SSR1: variants seen among roughly 807,000 people sequenced by gnomAD.
SSR1 encodes the protein signal sequence receptor subunit 1.
SSR1 carries 13 observed loss-of-function variants against 36.1 expected under a neutral mutation model. That is an observed-to-expected ratio of 0.36 (90% CI 0.23 to 0.57). The LOEUF is 0.57. Ranked by LOEUF, SSR1 falls within the 20% of genes least tolerant of loss-of-function variation. The pLI, the probability that SSR1 is intolerant of heterozygous loss-of-function variation, is 0.81. For synonymous variants in SSR1, 113 were observed against 118.9 expected (o/e 0.95, Z 0.32); for missense variants, 291 against 338.5 (o/e 0.86, Z 1.10).
intron 7 of SSR1, among the ~76,000 whole-genome samples, chr6:7,291,533 A>G (rs9505123): frequency 0.37 from 56,255 of 152,076 alleles, 10,488 homozygotes; most frequent in South Asian, 0.43. Flanking sequence ...GGTTACTAAT[A>G]GATGGTTTCA....
At chr6:7,299,614 C>T (rs1168109087) in intron 4 of SSR1, among the ~76,000 whole-genome samples, 1 of 151,274 alleles carries the variant, frequency 6.6e-6, no homozygotes, top group East Asian at 1.9e-4. Flanking sequence ...AGGAGAATCA[C>T]TTGTGCCCAG....
rs1455021906 is a variant in SSR1 at position 7,284,936 on chromosome 6, T to C, written c.*4928A>G. 2.0e-5 allele frequency: 3 copies of C among 152,194 alleles called. No individual in the cohort carries two copies. The highest frequency in any genetic ancestry group is 7.2e-5 in the African/African-American group (3 of 41,466). 9.4% of individuals were successfully genotyped at this position (152,194 alleles called of 1,614,324 possible). On this transcript the variant is annotated 3_prime_UTR_variant, in exon 8 of 8. Transcript: ENST00000244763. ...CTGTCAAGACCCAGAGGTCTCCTAATTCCCACGCTAGCACACCATACCACC... is the reference window on the plus strand; with the variant it reads ...CTGTCAAGACCCAGAGGTCTCCTAACTCCCACGCTAGCACACCATACCACC...
chr6:7,294,690 C>CAAAT (rs60987991), intron 7 of SSR1, among the ~76,000 whole-genome samples: 1,994 of 150,478 alleles, frequency 0.013, 28 homozygotes, highest in African/African-American at 0.03. Context: ...GATTCCATCT[C>CAAAT]AAATAAATAA....
At chr6:7,295,073 A>C (rs1207720848) in intron 7 of SSR1, 1 of 1,511,454 alleles carries the variant, frequency 6.6e-7, no homozygotes, top group Admixed American at 2.3e-5. Flanking sequence ...CCATTAAAAA[A>C]ATTAAATGCC....
intron 3 of SSR1, 87 bp from the exon 4 acceptor site, chr6:7,301,659 C>A (rs1757936979): frequency 2.2e-5 from 30 of 1,377,360 alleles, no homozygotes; most frequent in Non-Finnish European, 2.9e-5. Flanking sequence ...GATTCTGGCA[C>A]CCTTTCCTGT....
chr6:7,311,660 G>C (rs1328484449), intron 1 of SSR1, among the ~76,000 whole-genome samples: 1 of 152,020 alleles, frequency 6.6e-6, no homozygotes, highest in Admixed American at 6.6e-5. Context: ...GAATATAAAG[G>C]CCTTTCATAA....
chr6:7,311,249 T>G (rs1175349620), intron 1 of SSR1, among the ~76,000 whole-genome samples: 1 of 152,192 alleles, frequency 6.6e-6, no homozygotes, highest in Non-Finnish European at 1.5e-5. Context: ...TTATAGACAA[T>G]AGTACTCTAA....
rs111507684 is a variant in SSR1, at chr6:7,303,674, G to A, written c.193-37C>T. The A allele has an allele frequency of 2.5e-4, 359 of 1,451,574 alleles. 1 individual carries two copies. In the African/African-American group the frequency reaches 4.4e-3, roughly 18 times the overall value. The allele number at this position is 1,451,574 out of a possible 1,614,324, so 89.9% of individuals were successfully genotyped here. A position where few individuals can be genotyped will look rare whatever the true frequency, so the allele number is the denominator to read the frequency against. On this transcript the variant is annotated intron_variant, in intron 2 of 7. Coordinates refer to ENST00000244763, the MANE Select transcript of SSR1 (RefSeq NM_003144.5). The stretch of plus-strand genomic sequence containing the variant: ...AACAATTAAGAGGAGATTACTATGG[G>A]AGAAAAAAAAATCATTATTTAAAAA...
chr6:7,312,901 G>T, intron 1 of SSR1, 141 bp downstream of exon 1: 1 of 828,218 alleles, frequency 1.2e-6, no homozygotes, highest in Non-Finnish European at 1.9e-6. Flanking sequence ...TACGAGCCTA[G>T]GCTTGGGGAG....
intron 5 of SSR1, among the ~76,000 whole-genome samples, chr6:7,298,431 A>C (rs1357373159): frequency 6.6e-6 from 1 of 152,238 alleles, no homozygotes; most frequent in Non-Finnish European, 1.5e-5. Flanking sequence ...TTTCAATAGT[A>C]ATTTCAGAGG....
In SSR1 at chr6:7,295,466, T is replaced by G. The variant is rs768670159; in HGVS notation, c.719A>C (p.Lys240Thr). 2.5e-6 allele frequency: 4 copies of G among 1,609,000 alleles called. No individual in the cohort carries two copies. ...CTGACTTGATGTACCCATTTCTACTTTCTGTATGGGTCTCTTACGCTAAAA... is the reference window on the plus strand; with the variant it reads ...CTGACTTGATGTACCCATTTCTACTGTCTGTATGGGTCTCTTACGCTAAAA... The part of the protein sequence containing the change: ...ESRKRKRPIQ[K>T]VEMGTSSQND... Residue 240 changes from lysine to threonine, a missense_variant, in exon 7 of 8, where the codon AAA (lysine) becomes ACA (threonine). Lys to Thr is a moderately conservative substitution (Grantham distance 78). Coordinates refer to ENST00000244763, the MANE Select transcript of SSR1 (RefSeq NM_003144.5).
In SSR1 at chr6:7,289,898, C is replaced by T. The variant is rs537748481; in HGVS notation, c.827G>A (p.Arg276Gln). The T allele has an allele frequency of 1.9e-6, 3 of 1,539,404 alleles. No individual in the cohort carries two copies. Among genetic ancestry groups the T allele is most frequent in the Middle Eastern group, 1.7e-4 (1 of 5,904 alleles). Reference protein sequence around the residue: ...KASPRRLPRKRAQKRSVGSDE With the variant: ...KASPRRLPRKQAQKRSVGSDE The stretch of plus-strand genomic sequence containing the variant: ...AGATCCCACTGATCTCTTCTGTGCC[C>T]GTTTCCTGGGCAACCTTCTTGGTGA... The change falls in exon 8 of 8, where the codon CGG (arginine) becomes CAG (glutamine). Residue 276 changes from arginine to glutamine, a missense_variant. Arg to Gln is a conservative substitution (Grantham distance 43, BLOSUM62 1). Transcript: ENST00000244763.
chr6:7,306,993 A>G (rs920669694), intron 2 of SSR1, among the ~76,000 whole-genome samples: 13 of 151,674 alleles, frequency 8.6e-5, no homozygotes, highest in African/African-American at 3.1e-4. Flanking sequence ...TTCTAAACCA[A>G]TAACCTGTGT....
chr6:7,292,448 G>T (rs1757704624), intron 7 of SSR1, among the ~76,000 whole-genome samples: 1 of 152,108 alleles, frequency 6.6e-6, no homozygotes. Context: ...CTCTGCTTAG[G>T]CCCCAGTGAC....
At position 7,286,507 on chromosome 6, in the gene SSR1, AGCT is replaced by A. The variant is rs1267616262; in HGVS notation, c.*3354_*3356del. On this transcript the variant is annotated 3_prime_UTR_variant, in exon 8 of 8. Coordinates refer to ENST00000244763, the MANE Select transcript of SSR1 (RefSeq NM_003144.5). ...CAGTAAGAATCTTGTTTGTGTGTGA[AGCT>A]GCTTTTTACTAAGTTGGAGGTAAGA... 1 of 152,238 alleles carries A rather than the reference AGCT, an allele frequency of 6.6e-6. No homozygotes were observed. The highest frequency in any genetic ancestry group is 1.5e-5 in the Non-Finnish European group (1 of 68,048). 9.4% of individuals were successfully genotyped at this position (152,238 alleles called of 1,614,324 possible). A position where few individuals can be genotyped will look rare whatever the true frequency, so the allele number is the denominator to read the frequency against.
Position 7,295,155 on chromosome 6 carries a change from TCA to T in SSR1, c.793+235_793+236del, listed in dbSNP as rs765702533. 1,317 of 1,498,818 alleles carry T rather than the reference TCA, an allele frequency of 8.8e-4. 1 individual carries two copies. The highest frequency in any genetic ancestry group is 2.3e-3 in the Admixed American group (98 of 41,832). The allele number at this position is 1,498,818 out of a possible 1,614,324, so 92.8% of individuals were successfully genotyped here. A position where few individuals can be genotyped will look rare whatever the true frequency, so the allele number is the denominator to read the frequency against. ...GAAATGGATTAGGAACACAGAAAAT[TCA>T]CACATTCATAAATAAGCTGCAGATC... On this transcript the variant is annotated intron_variant, in intron 7 of 7. Transcript: ENST00000244763.
chr6:7,310,138 C>T lies in SSR1; in HGVS notation c.80-109G>A, dbSNP rs1193852348. On this transcript the variant is annotated intron_variant, in intron 1 of 7. Transcript: ENST00000244763. Reference sequence around the variant, plus strand: ...AACTTCCCTTGGACTAACAGAATCTCCCAGTTCACCTGAATGATGCCAATT... The same window carrying T: ...AACTTCCCTTGGACTAACAGAATCTTCCAGTTCACCTGAATGATGCCAATT... 5 of 694,916 alleles carry T rather than the reference C, an allele frequency of 7.2e-6. No homozygotes were observed. In the Admixed American group the frequency reaches 7.9e-5, roughly 11 times the overall value. The allele number at this position is 694,916 out of a possible 1,614,324, so 43.0% of individuals were successfully genotyped here.
intron 2 of SSR1, among the ~76,000 whole-genome samples, chr6:7,306,662 A>G (rs981406043): frequency 2.0e-5 from 3 of 151,168 alleles, no homozygotes; most frequent in Non-Finnish European, 4.4e-5. Context: ...CATGCCTGTA[A>G]TCCCAGCACT....
rs771709759 is a variant in SSR1, at chr6:7,298,786, A to T, written c.581T>A (p.Val194Asp). The T allele has an allele frequency of 6.2e-7, 1 of 1,613,520 alleles. No homozygotes were observed. The highest frequency in any genetic ancestry group is 8.5e-7 in the Non-Finnish European group (1 of 1,179,844). The change falls in exon 5 of 8, where the codon GTT (valine) becomes GAT (aspartate). Residue 194 changes from valine to aspartate, a missense_variant. Physicochemically the swap from Val to Asp is radical, Grantham distance 152 (BLOSUM62 -3). Transcript: ENST00000244763. ...VFQDAVFNQT[V>D]TVIEREDGLD... ...CCCATCCTCTCTTTCAATAACTGTA[A>T]CTGTTTGATTGAAGACTGCATCTTG...
Sources: gnomAD v4.1 joint callset for allele counts (sites outside exome capture counted in the v4.1 genomes callset) on GRCh38, gnomAD v4.1.1 for gene constraint, MANE v1.5 for transcripts, NCBI Gene and HGNC (gene_info 2026-07-23, HGNC 2026-07-21) for gene names.